Variants in DCDC1 observed in about 807,000 individuals in gnomAD.
DCDC1 encodes doublecortin domain containing 1.
DCDC1 carries 200 observed loss-of-function variants against 178.3 expected under a neutral mutation model. That is an observed-to-expected ratio of 1.12 (90% CI 1.00 to 1.26). DCDC1 has a LOEUF of 1.26. DCDC1 is among the 50% of genes most tolerant of loss of function. The pLI, the probability that DCDC1 is intolerant of heterozygous loss-of-function variation, is 0.00. For missense variants in DCDC1, 1,983 were observed against 1,749.2 expected (o/e 1.13, Z -2.38); for synonymous variants, 690 against 604.8 (o/e 1.14, Z -2.07).
chr11:31,053,714 C>A (rs1237587627), intron 20 of DCDC1, among the ~76,000 whole-genome samples: 2 of 152,058 alleles, frequency 1.3e-5, no homozygotes, highest in Non-Finnish European at 2.9e-5. Context: ...GAATTAAAAA[C>A]AAAAATCACA....
intron 34 of DCDC1, among the ~76,000 whole-genome samples, chr11:30,896,220 T>C (rs1413269861): frequency 6.6e-6 from 1 of 152,244 alleles, no homozygotes; most frequent in Non-Finnish European, 1.5e-5. Flanking sequence ...TTTATTTTCT[T>C]ATTACATTTT....
At chr11:30,905,947 G>A (rs1011922934) in intron 30 of DCDC1, among the ~76,000 whole-genome samples, 3 of 152,108 alleles carry the variant, frequency 2.0e-5, no homozygotes, top group Non-Finnish European at 4.4e-5. Context: ...TTTAGGAATC[G>A]CTCCTTTTTA....
At chr11:30,895,916 C>T (rs1025873203) in intron 34 of DCDC1, among the ~76,000 whole-genome samples, 5 of 152,052 alleles carry the variant, frequency 3.3e-5, no homozygotes, top group Admixed American at 2.0e-4. Context: ...GAATGCATTT[C>T]GAACACTAAA....
intron 38 of DCDC1, among the ~76,000 whole-genome samples, chr11:30,873,510 T>C (rs193103053): frequency 2.0e-5 from 3 of 152,182 alleles, no homozygotes; most frequent in African/African-American, 4.8e-5. Flanking sequence ...ATGGATTTCA[T>C]TGGTCTGGCA....
At chr11:31,133,807 G>A (rs1236743509) in intron 10 of DCDC1, among the ~76,000 whole-genome samples, 3 of 152,114 alleles carry the variant, frequency 2.0e-5, no homozygotes, top group Non-Finnish European at 4.4e-5. Flanking sequence ...GGGTTCAAGT[G>A]ATTCTCCTGC....
intron 9 of DCDC1, among the ~76,000 whole-genome samples, chr11:31,189,461 T>C (rs1239000264): frequency 6.6e-6 from 1 of 152,212 alleles, no homozygotes; most frequent in Non-Finnish European, 1.5e-5. Context: ...ACATCCACTA[T>C]ATTAGTCTTC....
chr11:31,025,698 AGGT>A (rs1276444495), intron 20 of DCDC1, among the ~76,000 whole-genome samples: 4 of 152,018 alleles, frequency 2.6e-5, no homozygotes, highest in Admixed American at 2.6e-4. Flanking sequence ...TAATTGGAAT[AGGT>A]AATAAAATGT....
chr11:31,011,955 G>T (rs1952197860), intron 20 of DCDC1, among the ~76,000 whole-genome samples: 1 of 152,184 alleles, frequency 6.6e-6, no homozygotes, highest in Non-Finnish European at 1.5e-5. Flanking sequence ...CTGGTGGGAG[G>T]TGATTGGATT....
chr11:31,347,026 T>C (rs1950852597), intron 1 of DCDC1, among the ~76,000 whole-genome samples: 1 of 152,194 alleles, frequency 6.6e-6, no homozygotes, highest in Admixed American at 6.5e-5. Flanking sequence ...AAGTGTCAAC[T>C]TAAAATGTAC....
At chr11:31,125,650 T>A (rs543256060) in intron 11 of DCDC1, among the ~76,000 whole-genome samples, 1 of 152,254 alleles carries the variant, frequency 6.6e-6, no homozygotes, top group East Asian at 1.9e-4. Flanking sequence ...CTGGAAGCCA[T>A]TATCCTCAGC....
intron 20 of DCDC1, among the ~76,000 whole-genome samples, chr11:31,044,072 G>A (rs1313757401): frequency 3.3e-5 from 5 of 151,940 alleles, no homozygotes; most frequent in Admixed American, 6.6e-5. Context: ...ATGGCACAGC[G>A]GACCTCAAGA....
intron 15 of DCDC1, among the ~76,000 whole-genome samples, chr11:31,094,495 T>A (rs1177147336): frequency 6.6e-6 from 1 of 152,078 alleles, no homozygotes; most frequent in African/African-American, 2.4e-5. Flanking sequence ...AAGCTCCACA[T>A]GAATGATTAA....
At chr11:30,920,102 C>T (rs1288561087) in intron 25 of DCDC1, among the ~76,000 whole-genome samples, 2 of 152,130 alleles carry the variant, frequency 1.3e-5, no homozygotes, top group Non-Finnish European at 2.9e-5. Context: ...AGAACATAAA[C>T]AGAATGTGCA....
Position 30,985,230 on chromosome 11 carries a change from G to T in DCDC1, c.2592-32662C>A, listed in dbSNP as rs144144925. ...GTAAGGAGCTTTAGAAGGGGAGTCA[G>T]AAATGAAAAAAGAAAGCTTCAGCAT... On this transcript the variant is annotated intron_variant, in intron 20 of 38. Coordinates refer to ENST00000684477, the MANE Select transcript of DCDC1 (RefSeq NM_001387274.1). 1.3e-3 allele frequency among the ~76,000 whole-genome samples: 191 copies of T among 152,216 alleles called. 1 individual carries two copies. The highest frequency in any genetic ancestry group is 6.8e-3 in the Middle Eastern group (2 of 294).
In DCDC1 at chr11:30,868,227, G is replaced by A. The variant is rs1170310106; in HGVS notation, c.*41-2895C>T. ...AGTAGAGGGGGAGGGGTGCATCCAT[G>A]CTCTTTCATACCTGCTTTTTTTTTT... On this transcript the variant is annotated intron_variant, in intron 38 of 38. Transcript: ENST00000684477. Among the ~76,000 whole-genome samples, 3 of 142,276 alleles carry A rather than the reference G, an allele frequency of 2.1e-5. No individual in the cohort carries two copies. The East Asian group carries it at 6.1e-4, about 29-fold the overall frequency. 93.3% of individuals were successfully genotyped at this position (142,276 alleles called of 152,430 possible). A position where few individuals can be genotyped will look rare whatever the true frequency, so the allele number is the denominator to read the frequency against.
chr11:31,161,728 T>C (rs1017498671), intron 9 of DCDC1, among the ~76,000 whole-genome samples: 2 of 152,208 alleles, frequency 1.3e-5, no homozygotes, highest in Non-Finnish European at 2.9e-5. Context: ...TCAGAAGTCA[T>C]ATACAAGCAG....
chr11:31,045,788 A>G (rs895225040), intron 20 of DCDC1, among the ~76,000 whole-genome samples: 3 of 152,094 alleles, frequency 2.0e-5, no homozygotes, highest in Non-Finnish European at 4.4e-5. Flanking sequence ...CTCTGTTCTC[A>G]GTGGTGGATA....
intron 17 of DCDC1, among the ~76,000 whole-genome samples, chr11:31,081,313 G>GA (rs1259465203): frequency 6.6e-6 from 1 of 151,938 alleles, no homozygotes; most frequent in Admixed American, 6.6e-5. Flanking sequence ...CATTTGTTAA[G>GA]AAAAAAAGAA....
chr11:31,241,357 T>C (rs1310871327), intron 9 of DCDC1, 93 bp downstream of exon 9: 3 of 391,642 alleles, frequency 7.7e-6, no homozygotes, highest in Non-Finnish European at 1.4e-5. Flanking sequence ...ATGTCACAGT[T>C]CTTTTATGAC....
Sources: allele counts gnomAD v4.1 joint callset (sites outside exome capture counted in the v4.1 genomes callset), GRCh38; gene constraint gnomAD v4.1.1; transcripts MANE v1.5; gene names NCBI Gene and HGNC (gene_info 2026-07-23, HGNC 2026-07-21).